CSMD1: variants seen among roughly 807,000 people sequenced by gnomAD.
CSMD1 encodes CUB and sushi domain-containing protein 1.
In CSMD1, 213 loss-of-function variants were observed where a neutral mutation model predicts 417.5. The observed-to-expected ratio is 0.51, with a 90% CI of 0.46 to 0.57. The LOEUF is 0.57. CSMD1 is among the 20% of genes least tolerant of loss of function. The pLI, the probability that CSMD1 is intolerant of heterozygous loss-of-function variation, is 0.00. For synonymous variants in CSMD1, 2,862 were observed against 1,736.8 expected (o/e 1.65, Z -16.11); for missense variants, 6,923 against 4,529.7 (o/e 1.53, Z -15.17).
chr8:3,114,243 CAAAT>C lies in CSMD1; in HGVS notation c.6431-3912_6431-3909del, dbSNP rs1328493148. Among the ~76,000 whole-genome samples, 6 of 151,832 alleles carry C rather than the reference CAAAT, an allele frequency of 4.0e-5. 1 individual carries two copies. The highest frequency in any genetic ancestry group is 3.3e-4 in the Admixed American group (5 of 15,208). On this transcript the variant is annotated intron_variant, in intron 42 of 69. Coordinates refer to ENST00000635120, the MANE Select transcript of CSMD1 (RefSeq NM_033225.6). ...TGGGCAACAGCCTGAGACTCCATCT[CAAAT>C]AAATAAATAAAGTGAAAACAAAATA...
chr8:4,829,839 C>G lies in CSMD1; in HGVS notation c.85+164493G>C, dbSNP rs551172592. On this transcript the variant is annotated intron_variant, in intron 1 of 69. Transcript: ENST00000635120. The stretch of plus-strand genomic sequence containing the variant: ...CAAGAAGCAGTCAGTGATCGCTTTA[C>G]CTTGGGGACAAGGGGCTGGTCAGAG... Among the ~76,000 whole-genome samples the G allele has an allele frequency of 2.0e-5, 3 of 152,120 alleles. No homozygotes were observed. In the East Asian group the frequency reaches 5.8e-4, roughly 29 times the overall value.
At chr8:3,804,054 G>T (rs1232029795) in intron 5 of CSMD1, among the ~76,000 whole-genome samples, 1 of 152,074 alleles carries the variant, frequency 6.6e-6, no homozygotes, top group Non-Finnish European at 1.5e-5. Context: ...CAGCCTCTGA[G>T]TAGCTGCGAT....
At chr8:3,191,354 T>G (rs928286167) in intron 33 of CSMD1, among the ~76,000 whole-genome samples, 1 of 151,838 alleles carries the variant, frequency 6.6e-6, no homozygotes, top group Non-Finnish European at 1.5e-5. Flanking sequence ...TGCTCGGGAG[T>G]CTGAGGCAGG....
chr8:4,881,220 A>G (rs1803373875), intron 1 of CSMD1, among the ~76,000 whole-genome samples: 1 of 152,076 alleles, frequency 6.6e-6, no homozygotes, highest in Non-Finnish European at 1.5e-5. Context: ...ACATAGGTCC[A>G]TTCTAGTACT....
At chr8:4,919,469 C>A (rs1192530187) in intron 1 of CSMD1, among the ~76,000 whole-genome samples, 1 of 151,978 alleles carries the variant, frequency 6.6e-6, no homozygotes, top group Non-Finnish European at 1.5e-5. Flanking sequence ...TTCTATTAGC[C>A]ATTCCCTGGC....
At chr8:4,837,633 G>C (rs1444366084) in intron 1 of CSMD1, among the ~76,000 whole-genome samples, 2 of 152,176 alleles carry the variant, frequency 1.3e-5, no homozygotes, top group East Asian at 1.9e-4. Flanking sequence ...GGAGTTGCTG[G>C]GGAGGTAGGG....
At chr8:4,438,230 C>G (rs538435925) in intron 2 of CSMD1, among the ~76,000 whole-genome samples, 3 of 152,112 alleles carry the variant, frequency 2.0e-5, no homozygotes, top group Admixed American at 2.0e-4. Context: ...TAATCTCAAC[C>G]CAAGCCGTCT....
chr8:4,760,099 T>C (rs1264411151), intron 1 of CSMD1, among the ~76,000 whole-genome samples: 1 of 152,138 alleles, frequency 6.6e-6, no homozygotes, highest in African/African-American at 2.4e-5. Context: ...TTAATAAGCA[T>C]CATTCTGACT....
intron 5 of CSMD1, among the ~76,000 whole-genome samples, chr8:3,758,944 C>A (rs1400570762): frequency 6.6e-6 from 1 of 152,164 alleles, no homozygotes; most frequent in Non-Finnish European, 1.5e-5. Context: ...GGACAAAGGT[C>A]AGAGTGACGC....
intron 8 of CSMD1, among the ~76,000 whole-genome samples, chr8:3,586,572 A>G (rs1563176532): frequency 6.6e-6 from 1 of 152,136 alleles, no homozygotes; most frequent in Non-Finnish European, 1.5e-5. Flanking sequence ...TGGCTTTAAT[A>G]AGAAAATAAA....
At chr8:4,619,257 T>C (rs1007388050) in intron 2 of CSMD1, among the ~76,000 whole-genome samples, 4 of 152,180 alleles carry the variant, frequency 2.6e-5, no homozygotes, top group African/African-American at 9.6e-5. Context: ...CATGTTGTTA[T>C]GTTTAAATGC....
intron 8 of CSMD1, among the ~76,000 whole-genome samples, chr8:3,601,219 T>A (rs1306210776): frequency 3.9e-5 from 6 of 152,118 alleles, no homozygotes; most frequent in African/African-American, 1.4e-4. Context: ...TGGCCTCACA[T>A]CTTTATTATT....
chr8:4,619,979 G>C (rs913299219), intron 2 of CSMD1, among the ~76,000 whole-genome samples: 3 of 151,642 alleles, frequency 2.0e-5, no homozygotes, highest in Non-Finnish European at 2.9e-5. Flanking sequence ...TGTTACATGA[G>C]GCATAATTAC....
intron 1 of CSMD1, among the ~76,000 whole-genome samples, chr8:4,724,891 T>A (rs1235852336): frequency 6.6e-6 from 1 of 152,102 alleles, no homozygotes; most frequent in African/African-American, 2.4e-5. Context: ...TCAACTATAA[T>A]ATGAATGAAA....
intron 5 of CSMD1, among the ~76,000 whole-genome samples, chr8:3,780,441 G>A (rs1175585321): frequency 1.3e-5 from 2 of 152,150 alleles, no homozygotes; most frequent in African/African-American, 2.4e-5. Flanking sequence ...TAGTAAGAGT[G>A]GATTTCACAA....
intron 15 of CSMD1, among the ~76,000 whole-genome samples, chr8:3,400,772 C>T (rs971524607): frequency 6.6e-6 from 1 of 151,384 alleles, no homozygotes; most frequent in Non-Finnish European, 1.5e-5. Flanking sequence ...ATGGATAGCA[C>T]TGGGATTGCT....
At chr8:3,486,918 G>A (rs1375535087) in intron 11 of CSMD1, among the ~76,000 whole-genome samples, 1 of 152,166 alleles carries the variant, frequency 6.6e-6, no homozygotes, top group Non-Finnish European at 1.5e-5. Flanking sequence ...GGCAATGTCT[G>A]AACTGTCCAG....
rs757705745 is a variant in CSMD1 at position 4,419,999 on chromosome 8, C to T, written c.369G>A (p.Thr123=). The T allele has an allele frequency of 8.2e-6, 13 of 1,589,240 alleles. No homozygotes were observed. Among genetic ancestry groups the T allele is most frequent in the Admixed American group, 7.0e-5 (4 of 56,892 alleles). ...STGSILTLWF[T]TDFAVSAQGF... ...CTTGGGCACTCACAGCGAAGTCTGT[C>T]GTGAACCACAGAGTGAGGATAGATC... Residue 123 remains threonine (T), a synonymous_variant, in exon 3 of 70, where the codon ACG becomes ACA. Coordinates refer to ENST00000635120, the MANE Select transcript of CSMD1 (RefSeq NM_033225.6).
chr8:4,944,599 A>C (rs1388458977), intron 1 of CSMD1, among the ~76,000 whole-genome samples: 1 of 152,222 alleles, frequency 6.6e-6, no homozygotes, highest in Non-Finnish European at 1.5e-5. Context: ...ATAAATTGAA[A>C]CATTAATTCA....
Sources: gnomAD v4.1 joint callset for allele counts (sites outside exome capture counted in the v4.1 genomes callset) on GRCh38, gnomAD v4.1.1 for gene constraint, MANE v1.5 for transcripts, NCBI Gene and HGNC (gene_info 2026-07-23, HGNC 2026-07-21) for gene names.